The following MTMR12 variants were observed in gnomAD, a reference collection of about 807,000 sequenced individuals.
MTMR12 encodes myotubularin related protein 12, also known as myotubularin-related protein 12.
In MTMR12, 33 loss-of-function variants were observed where a neutral mutation model predicts 96.7. That is an observed-to-expected ratio of 0.34 (90% CI 0.26 to 0.46). The LOEUF (loss-of-function observed/expected upper bound fraction) is 0.46, where lower values mean the gene tolerates loss of function less well. MTMR12 is among the 20% of genes least tolerant of loss of function. The probability of loss-of-function intolerance (pLI) is 1.00; values close to 1 mark genes in which losing one functional copy is unlikely to be tolerated. For missense variants in MTMR12, 721 were observed against 896.1 expected, an observed-to-expected ratio of 0.80 and a Z score of 2.49; for synonymous variants, 298 against 327.2, an observed-to-expected ratio of 0.91 and a Z score of 0.96.
At chr5:32,242,328 C>CT (rs1748510171) in intron 11 of MTMR12, among the ~76,000 whole-genome samples, 1 of 151,854 alleles carries the variant, frequency 6.6e-6, no homozygotes, top group South Asian at 2.1e-4. Context: ...CCATTAGAAA[C>CT]TGAAAATTTT....
Position 32,238,999 on chromosome 5 carries a change from A to T in MTMR12, c.1344+2T>A. The T allele has an allele frequency of 6.3e-7, 1 of 1,585,828 alleles. No homozygotes were observed. The highest frequency in any genetic ancestry group is 8.6e-7 in the Non-Finnish European group (1 of 1,162,844). On this transcript the variant is annotated splice_donor_variant, in intron 13 of 15. Transcript: ENST00000382142. LOFTEE classifies it high-confidence loss of function. The stretch of plus-strand genomic sequence containing the variant: ...GAAACAGTCTGCAGTGAGGGAACTC[A>T]CCTCCTCTTTGTCGTTCTGGCGGAG...
At chr5:32,288,927 C>T (rs1007572101) in intron 1 of MTMR12, among the ~76,000 whole-genome samples, 4 of 152,114 alleles carry the variant, frequency 2.6e-5, no homozygotes, top group African/African-American at 9.7e-5. Context: ...TATCCTTGAC[C>T]AATGCTTTGC....
At chr5:32,240,346 C>G (rs948129123) in intron 12 of MTMR12, among the ~76,000 whole-genome samples, 2 of 149,736 alleles carry the variant, frequency 1.3e-5, no homozygotes, top group African/African-American at 2.5e-5. Context: ...TTGCCGTGAG[C>G]TGAGATCGCA....
intron 1 of MTMR12, among the ~76,000 whole-genome samples, chr5:32,299,052 TGC>T (rs1421264576): frequency 1.3e-5 from 2 of 150,562 alleles, no homozygotes; most frequent in African/African-American, 4.9e-5. Context: ...CACACATGAA[TGC>T]GCACACACAC....
rs948480046 is a variant in MTMR12 at position 32,312,100 on chromosome 5, A to G, written c.81+658T>C. 3.9e-5 allele frequency among the ~76,000 whole-genome samples: 6 copies of G among 152,348 alleles called. No homozygotes were observed. Among genetic ancestry groups the G allele is most frequent in the African/African-American group, 1.4e-4 (6 of 41,596 alleles). ...CGAGAAGTATTTTCTGAATGAATGA[A>G]CAAATTTCTTGACCTGAAGATTCAG... On this transcript the variant is annotated intron_variant, in intron 1 of 15. Coordinates refer to ENST00000382142, the MANE Select transcript of MTMR12 (RefSeq NM_001040446.3). The surrounding 1 kb of genome is among the most constrained non-coding windows in gnomAD (Gnocchi z 5.0).
intron 1 of MTMR12, among the ~76,000 whole-genome samples, chr5:32,299,736 C>T (rs1016759301): frequency 7.9e-5 from 12 of 152,290 alleles, no homozygotes; most frequent in African/African-American, 2.4e-4. Context: ...CCTGCAGGTC[C>T]GAGCAGCGAC....
At chr5:32,248,732 C>T (rs1300667858) in intron 9 of MTMR12, 40 bp downstream of exon 9, 2 of 1,517,808 alleles carry the variant, frequency 1.3e-6, no homozygotes, top group Non-Finnish European at 1.8e-6. Context: ...TCTTGGAAAA[C>T]AAGAACTGAA....
intron 12 of MTMR12, 97 bp downstream of exon 12, chr5:32,241,960 A>G (rs1244308776): frequency 4.1e-6 from 4 of 974,684 alleles, no homozygotes; most frequent in Non-Finnish European, 6.3e-6. Flanking sequence ...ACACTAACTC[A>G]CTCCTTTTGT....
chr5:32,239,483 C>T (rs1225764204), intron 12 of MTMR12, among the ~76,000 whole-genome samples: 1 of 152,198 alleles, frequency 6.6e-6, no homozygotes. Flanking sequence ...TCTAGGTGTG[C>T]CACACAGAGA....
At chr5:32,310,671 G>C (rs1290627987) in intron 1 of MTMR12, among the ~76,000 whole-genome samples, 1 of 152,058 alleles carries the variant, frequency 6.6e-6, no homozygotes, top group East Asian at 1.9e-4. Context: ...AAGGGAAGTG[G>C]GGATGTTTAA....
intron 2 of MTMR12, among the ~76,000 whole-genome samples, chr5:32,274,861 T>C (rs67162125): frequency 0.1 from 15,427 of 152,118 alleles, 820 homozygotes; most frequent in South Asian, 0.14. Context: ...GTATCCCTCC[T>C]TGCAGTCAAA....
chr5:32,231,160 C>T (rs1043712741), intron 15 of MTMR12, among the ~76,000 whole-genome samples: 3 of 151,980 alleles, frequency 2.0e-5, no homozygotes, highest in Non-Finnish European at 2.9e-5. Context: ...GAGACCGAGG[C>T]GGGCAGATCA....
intron 12 of MTMR12, among the ~76,000 whole-genome samples, chr5:32,239,585 G>A (rs1748384475): frequency 6.6e-6 from 1 of 152,050 alleles, no homozygotes; most frequent in Non-Finnish European, 1.5e-5. Context: ...CTCCGTCACT[G>A]AACTCCTCCT....
At chr5:32,299,616 G>A (rs1751058238) in intron 1 of MTMR12, among the ~76,000 whole-genome samples, 1 of 152,134 alleles carries the variant, frequency 6.6e-6, no homozygotes, top group South Asian at 2.1e-4. Flanking sequence ...AAGGCAAGAG[G>A]AACCAGGGAC....
At chr5:32,235,517 TA>T in intron 13 of MTMR12, among the ~76,000 whole-genome samples, 1 of 152,296 alleles carries the variant, frequency 6.6e-6, no homozygotes, top group East Asian at 1.9e-4. Context: ...ACAATGTACT[TA>T]ATTATGAGTG....
chr5:32,299,477 T>A (rs1375542806), intron 1 of MTMR12, among the ~76,000 whole-genome samples: 3 of 152,246 alleles, frequency 2.0e-5, no homozygotes, highest in African/African-American at 7.2e-5. Flanking sequence ...CGGATGTGAC[T>A]GACAGCAGCT....
intron 2 of MTMR12, among the ~76,000 whole-genome samples, chr5:32,275,601 G>A (rs1750020367): frequency 6.6e-6 from 1 of 152,218 alleles, no homozygotes; most frequent in Non-Finnish European, 1.5e-5. Context: ...AAGCACAAGA[G>A]TTGGGAGCTA....
At position 32,229,667 on chromosome 5, in the gene MTMR12, C is replaced by T. The variant is rs955031027; in HGVS notation, c.*111G>A. ...TCCCGAAGGCCCAGGTTTATTCTAACGGAGTGCCGGGCTAAGGACCCAGCC... is the reference window on the plus strand; with the variant it reads ...TCCCGAAGGCCCAGGTTTATTCTAATGGAGTGCCGGGCTAAGGACCCAGCC... On this transcript the variant is annotated 3_prime_UTR_variant, in exon 16 of 16. Coordinates refer to ENST00000382142, the MANE Select transcript of MTMR12 (RefSeq NM_001040446.3). 3.2e-5 allele frequency: 33 copies of T among 1,037,644 alleles called. No individual in the cohort carries two copies. The highest frequency in any genetic ancestry group is 3.3e-4 in the Middle Eastern group (1 of 3,066). 64.3% of individuals were successfully genotyped at this position (1,037,644 alleles called of 1,614,324 possible).
intron 13 of MTMR12, among the ~76,000 whole-genome samples, chr5:32,236,867 G>GA (rs1394135485): frequency 3.3e-5 from 5 of 150,292 alleles, no homozygotes; most frequent in Admixed American, 6.6e-5. Context: ...GAAAAGAAAA[G>GA]AAAAAAAACA....
Sources: gnomAD v4.1 joint callset for allele counts (sites outside exome capture counted in the v4.1 genomes callset) on GRCh38, gnomAD v4.1.1 for gene constraint, Gnocchi (gnomAD v3.1) non-coding constraint, MANE v1.5 for transcripts, NCBI Gene and HGNC (gene_info 2026-07-23, HGNC 2026-07-21) for gene names.